Variants in GPLD1 observed in about 807,000 individuals in gnomAD.
The protein encoded by GPLD1 is glycosylphosphatidylinositol specific phospholipase D1, also known as phosphatidylinositol-glycan-specific phospholipase D.
GPLD1 carries 84 observed loss-of-function variants against 112.6 expected under a neutral mutation model. That is an observed-to-expected ratio of 0.75 (90% CI 0.63 to 0.89). The LOEUF (loss-of-function observed/expected upper bound fraction) is 0.89. Among genes scored for constraint, GPLD1 ranks in the 40% least tolerant of loss-of-function variants. The pLI is 0.00. For synonymous variants in GPLD1, 386 were observed against 403.8 expected, an observed-to-expected ratio of 0.96 and a Z score of 0.53; for missense variants, 1,044 against 1,051.5, an observed-to-expected ratio of 0.99 and a Z score of 0.10.
At chr6:24,440,581 C>CAAAAAAAAAAAAAAAA (rs58480061) in intron 20 of GPLD1, among the ~76,000 whole-genome samples, 2 of 118,532 alleles carry the variant, frequency 1.7e-5, no homozygotes, top group Admixed American at 9.0e-5. Context: ...AAAAAATACT[C>CAAAAAAAAAAAAAAAA]AAAAAAAAAA....
intron 8 of GPLD1, 61 bp downstream of exon 8, chr6:24,467,106 A>T: frequency 8.6e-7 from 1 of 1,168,918 alleles, no homozygotes; most frequent in South Asian, 1.2e-5. Context: ...AAAAACATAA[A>T]AACTGTGCAA....
In GPLD1 at chr6:24,426,365, C is replaced by T. The variant is rs2127302768; in HGVS notation, c.*2667G>A. Among the ~76,000 whole-genome samples the T allele has an allele frequency of 6.6e-6, 1 of 152,194 alleles. No individual in the cohort carries two copies. The highest frequency in any genetic ancestry group is 2.4e-5 in the African/African-American group (1 of 41,526). ...TAGACTGTCATGCATTAATTTTTTCCTGTATGCCAGGTTTTTTACATACGT... is the reference window on the plus strand; with the variant it reads ...TAGACTGTCATGCATTAATTTTTTCTTGTATGCCAGGTTTTTTACATACGT... On this transcript the variant is annotated 3_prime_UTR_variant, in exon 25 of 25. Transcript: ENST00000230036.
intron 14 of GPLD1, among the ~76,000 whole-genome samples, chr6:24,450,405 G>T (rs554591147): frequency 6.6e-6 from 1 of 152,266 alleles, no homozygotes; most frequent in African/African-American, 2.4e-5. Context: ...GGAGACTGAG[G>T]CAGGAGAATC....
intron 10 of GPLD1, 56 bp downstream of exon 10, chr6:24,466,624 G>A (rs1763625822): frequency 1.4e-6 from 2 of 1,432,008 alleles, no homozygotes; most frequent in African/African-American, 1.4e-5. Flanking sequence ...GTTATGTTGG[G>A]GGATGGGGTA....
Position 24,447,940 on chromosome 6 carries a change from C to G in GPLD1, c.1615G>C (p.Gly539Arg), listed in dbSNP as rs761898620. The change falls in exon 17 of 25, where the codon GGT becomes CGT. Residue 539 changes from glycine (G) to arginine (R), a missense_variant. By Grantham distance (125) the Gly-to-Arg change is moderately radical. Transcript: ENST00000230036. The part of the protein sequence containing the change: ...DLVIGSPFAP[G>R]GGKQKGIVAA... ...ACAATTCCCTTCTGCTTCCCTCCACCTGGTGCAAAAGGGGAGCCGATGACC... is the reference window on the plus strand; with the variant it reads ...ACAATTCCCTTCTGCTTCCCTCCACGTGGTGCAAAAGGGGAGCCGATGACC... 1.2e-5 allele frequency: 20 copies of G among 1,613,898 alleles called. No homozygotes were observed. Among genetic ancestry groups the G allele is most frequent in the Non-Finnish European group, 1.7e-5 (20 of 1,180,032 alleles).
At chr6:24,432,326 A>G (rs1165969418) in intron 24 of GPLD1, among the ~76,000 whole-genome samples, 1 of 151,418 alleles carries the variant, frequency 6.6e-6, no homozygotes, top group Admixed American at 6.6e-5. Flanking sequence ...GGCCGGGTGC[A>G]GTGGTGCATG....
chr6:24,455,150 G>A (rs761467985), intron 13 of GPLD1, among the ~76,000 whole-genome samples: 2 of 152,232 alleles, frequency 1.3e-5, no homozygotes, highest in African/African-American at 4.8e-5. Flanking sequence ...CCTGGTGGGA[G>A]GGACAGACAC....
intron 4 of GPLD1, 36 bp downstream of exon 4, chr6:24,476,145 T>C (rs770020032): frequency 1.8e-6 from 2 of 1,136,120 alleles, no homozygotes; most frequent in East Asian, 5.1e-5. Context: ...GCAGGTTTGG[T>C]GCTAAATATT....
chr6:24,464,587 CTGTT>C (rs1402303422), intron 10 of GPLD1, among the ~76,000 whole-genome samples: 2 of 152,202 alleles, frequency 1.3e-5, no homozygotes, highest in African/African-American at 4.8e-5. Flanking sequence ...ATGGTTAACA[CTGTT>C]TGGGTACTAG....
upstream of GPLD1, among the ~76,000 whole-genome samples, chr6:24,491,106 CAA>C (rs1364929232): frequency 6.6e-6 from 1 of 152,152 alleles, no homozygotes; most frequent in East Asian, 1.9e-4. Flanking sequence ...CAGCTGCAGC[CAA>C]AGAGCCAGCT....
At chr6:24,489,724 T>A (rs986743234), upstream of GPLD1, 46 of 712,444 alleles carry the variant, frequency 6.5e-5, no homozygotes, top group African/African-American at 7.0e-4. Context: ...ACAAACTCTG[T>A]GCTCCTGGGG....
At chr6:24,443,603 T>G (rs183976797) in intron 20 of GPLD1, among the ~76,000 whole-genome samples, 4 of 152,324 alleles carry the variant, frequency 2.6e-5, no homozygotes, top group Admixed American at 1.3e-4. Context: ...GCACTTTTTT[T>G]TTGTTATAAT....
rs573789250 is a variant in GPLD1 at position 24,427,749 on chromosome 6, GAC to G, written c.*1281_*1282del. On this transcript the variant is annotated 3_prime_UTR_variant, in exon 25 of 25. Coordinates refer to ENST00000230036, the MANE Select transcript of GPLD1 (RefSeq NM_001503.4). The stretch of plus-strand genomic sequence containing the variant: ...TAGTCCCAGCTGCCTGGGAGGCTGA[GAC>G]AGGAGAATCACTTGAACCTGGGAGG... Among the ~76,000 whole-genome samples, 1 of 146,182 alleles carries G rather than the reference GAC, an allele frequency of 6.8e-6. No homozygotes were observed. Among genetic ancestry groups the G allele is most frequent in the Non-Finnish European group, 1.5e-5 (1 of 67,362 alleles).
intron 3 of GPLD1, 36 bp from the exon 4 acceptor site, chr6:24,476,314 T>C (rs1561854256): frequency 1.1e-5 from 12 of 1,129,370 alleles, no homozygotes; most frequent in Non-Finnish European, 1.6e-5. Flanking sequence ...GATTCTCTCT[T>C]AAAAGTTGGA....
intron 8 of GPLD1, 38 bp downstream of exon 8, chr6:24,467,129 C>A (rs367558283): frequency 2.3e-6 from 3 of 1,280,798 alleles, no homozygotes; most frequent in African/African-American, 2.9e-5. Context: ...GAAGTCACAA[C>A]AAAATCAGCT....
chr6:24,491,543 A>G (rs1470573721), upstream of GPLD1, among the ~76,000 whole-genome samples: 1 of 152,134 alleles, frequency 6.6e-6, no homozygotes, highest in Non-Finnish European at 1.5e-5. Flanking sequence ...TACCAAGAAA[A>G]AAACAAAAAC....
chr6:24,487,594 T>C (rs1421413762), intron 1 of GPLD1, among the ~76,000 whole-genome samples: 2 of 152,230 alleles, frequency 1.3e-5, no homozygotes, highest in East Asian at 1.9e-4. Flanking sequence ...CAGCTTACTC[T>C]GTAGTTTTGG....
At chr6:24,479,146 T>G (rs575785294) in intron 3 of GPLD1, among the ~76,000 whole-genome samples, 1 of 151,442 alleles carries the variant, frequency 6.6e-6, no homozygotes, top group East Asian at 1.9e-4. Flanking sequence ...TAACCTCCCC[T>G]CCAGCCAGAG....
At chr6:24,464,931 G>A (rs1485368316) in intron 10 of GPLD1, among the ~76,000 whole-genome samples, 2 of 152,154 alleles carry the variant, frequency 1.3e-5, no homozygotes, top group African/African-American at 2.4e-5. Context: ...GGTGGCTCAC[G>A]CCTGTAATCT....
Sources: gnomAD v4.1 joint callset for allele counts (sites outside exome capture counted in the v4.1 genomes callset) on GRCh38, gnomAD v4.1.1 for gene constraint, MANE v1.5 for transcripts, NCBI Gene and HGNC (gene_info 2026-07-23, HGNC 2026-07-21) for gene names.